The following STK39 variants were observed in gnomAD, a reference collection of about 807,000 sequenced individuals.
The protein encoded by STK39 is STE20/SPS1-related proline-alanine-rich protein kinase.
STK39 carries 20 observed loss-of-function variants against 77.8 expected under a neutral mutation model. The ratio of observed to expected loss-of-function variants is 0.26; its 90% CI spans 0.18 to 0.37. The LOEUF (loss-of-function observed/expected upper bound fraction) is 0.37. Among genes scored for constraint, STK39 ranks in the 10% least tolerant of loss-of-function variants. The pLI is 1.00. For synonymous variants in STK39, 246 were observed against 234.1 expected (o/e 1.05, Z -0.47); for missense variants, 479 against 656.5 (o/e 0.73, Z 2.95).
At chr2:168,179,146 T>C (rs1162531950) in intron 2 of STK39, among the ~76,000 whole-genome samples, 3 of 152,180 alleles carry the variant, frequency 2.0e-5, no homozygotes, top group Non-Finnish European at 4.4e-5. Context: ...AGTTAACACA[T>C]GGCACAGTCT....
chr2:168,223,701 CT>C (rs1242539452), intron 1 of STK39, among the ~76,000 whole-genome samples: 1 of 152,048 alleles, frequency 6.6e-6, no homozygotes, highest in African/African-American at 2.4e-5. Context: ...ATCCAAGTCT[CT>C]GCCTCCTGAT....
At chr2:168,147,486 G>C (rs1259546467) in intron 5 of STK39, among the ~76,000 whole-genome samples, 1 of 152,206 alleles carries the variant, frequency 6.6e-6, no homozygotes, top group Non-Finnish European at 1.5e-5. Context: ...GTTGGGAACA[G>C]ACTAAAGAGA....
intron 10 of STK39, among the ~76,000 whole-genome samples, chr2:168,109,510 T>A (rs1687066198): frequency 6.6e-6 from 1 of 152,222 alleles, no homozygotes; most frequent in African/African-American, 2.4e-5. Flanking sequence ...ACATTGTTGT[T>A]TTGAAAATTA....
chr2:168,218,964 A>G (rs569840186), intron 1 of STK39, among the ~76,000 whole-genome samples: 11 of 152,316 alleles, frequency 7.2e-5, no homozygotes, highest in Admixed American at 7.2e-4. Context: ...ACCAGACGAA[A>G]TAAGCTATAA....
intron 1 of STK39, among the ~76,000 whole-genome samples, chr2:168,228,866 T>C (rs1690374171): frequency 6.6e-6 from 1 of 152,182 alleles, no homozygotes; most frequent in African/African-American, 2.4e-5. Context: ...TCAGTGCTTT[T>C]TCCTTACATG....
At chr2:168,112,539 T>G (rs548509480) in intron 10 of STK39, among the ~76,000 whole-genome samples, 1 of 152,222 alleles carries the variant, frequency 6.6e-6, no homozygotes, top group African/African-American at 2.4e-5. Context: ...CACCATGATT[T>G]TAAGTTTCCT....
At chr2:168,022,712 C>T (rs1438564648) in intron 14 of STK39, among the ~76,000 whole-genome samples, 1 of 151,978 alleles carries the variant, frequency 6.6e-6, no homozygotes, top group South Asian at 2.1e-4. Flanking sequence ...AGTAATAAAC[C>T]GATTTCTGGG....
intron 3 of STK39, among the ~76,000 whole-genome samples, chr2:168,166,449 T>C (rs534906889): frequency 6.6e-6 from 1 of 152,330 alleles, no homozygotes; most frequent in African/African-American, 2.4e-5. Flanking sequence ...GAAGTGACTT[T>C]CCCTTCCCAA....
rs1251133789 is a variant in STK39 at position 168,148,058 on chromosome 2, C to T, written c.629-7300G>A. On this transcript the variant is annotated intron_variant, in intron 5 of 17. Coordinates refer to ENST00000355999, the MANE Select transcript of STK39 (RefSeq NM_013233.3). ...GAATAACAAGAAAGCTCATCCTAGGCCATAATTCAGCATTTATATGGAAGC... is the reference window on the plus strand; with the variant it reads ...GAATAACAAGAAAGCTCATCCTAGGTCATAATTCAGCATTTATATGGAAGC... Among the ~76,000 whole-genome samples, 5 of 152,168 alleles carry T rather than the reference C, an allele frequency of 3.3e-5. No homozygotes were observed. The East Asian group carries it at 9.6e-4, about 29-fold the overall frequency.
intron 2 of STK39, among the ~76,000 whole-genome samples, chr2:168,174,307 C>G (rs1003729502): frequency 6.6e-6 from 1 of 152,134 alleles, no homozygotes; most frequent in African/African-American, 2.4e-5. Flanking sequence ...GGGCAAACGT[C>G]TACTTGCTAA....
chr2:167,955,445 T>A lies in STK39; in HGVS notation c.*51A>T. On this transcript the variant is annotated 3_prime_UTR_variant, in exon 18 of 18. Coordinates refer to ENST00000355999, the MANE Select transcript of STK39 (RefSeq NM_013233.3). Reference sequence around the variant, plus strand: ...CAGAAAGAGGGAGGGTTGAAGGGAGTAGGGGTGGCGGTGGGGCATGACAGA... The same window carrying A: ...CAGAAAGAGGGAGGGTTGAAGGGAGAAGGGGTGGCGGTGGGGCATGACAGA... The A allele has an allele frequency of 1.3e-6, 2 of 1,561,474 alleles. No homozygotes were observed. Among genetic ancestry groups the A allele is most frequent in the South Asian group, 2.3e-5 (2 of 87,778 alleles).
chr2:167,975,713 C>T (rs181695829), intron 16 of STK39, among the ~76,000 whole-genome samples: 3 of 152,282 alleles, frequency 2.0e-5, no homozygotes, highest in Non-Finnish European at 4.4e-5. Context: ...ACTTGGGAGG[C>T]TTAGGCAGGA....
intron 5 of STK39, among the ~76,000 whole-genome samples, chr2:168,146,013 C>T (rs1017158106): frequency 2.6e-5 from 4 of 152,188 alleles, no homozygotes. Flanking sequence ...CTTACTCTTG[C>T]ATGAACAGAA....
At chr2:168,093,356 T>C (rs1025033646) in intron 10 of STK39, among the ~76,000 whole-genome samples, 36 of 152,298 alleles carry the variant, frequency 2.4e-4, no homozygotes, top group Admixed American at 5.9e-4. Flanking sequence ...CTCACAATCA[T>C]GGCAGAAGGC....
chr2:168,076,270 C>T (rs1686075465), intron 10 of STK39, among the ~76,000 whole-genome samples: 3 of 152,086 alleles, frequency 2.0e-5, no homozygotes, highest in Non-Finnish European at 4.4e-5. Context: ...CAAAGCAAGG[C>T]AAGAAACAAA....
At chr2:168,110,381 T>G (rs961934952) in intron 10 of STK39, among the ~76,000 whole-genome samples, 1 of 152,206 alleles carries the variant, frequency 6.6e-6, no homozygotes, top group South Asian at 2.1e-4. Flanking sequence ...CATAAGGATA[T>G]GCCACCATGC....
chr2:168,198,983 T>C (rs1689543663), intron 1 of STK39, among the ~76,000 whole-genome samples: 1 of 152,230 alleles, frequency 6.6e-6, no homozygotes, highest in Non-Finnish European at 1.5e-5. Context: ...TAAAAAAGTT[T>C]CATATGCTTA....
At chr2:168,188,979 C>G (rs1303998679) in intron 1 of STK39, among the ~76,000 whole-genome samples, 2 of 152,290 alleles carry the variant, frequency 1.3e-5, no homozygotes, top group East Asian at 3.9e-4. Flanking sequence ...TCCTAAGTGA[C>G]CTGGCTTGTG....
chr2:168,102,908 C>G (rs997516760), intron 10 of STK39, among the ~76,000 whole-genome samples: 3 of 118,798 alleles, frequency 2.5e-5, no homozygotes, highest in South Asian at 2.8e-4. Flanking sequence ...CCAGCCTGGG[C>G]GACAGAGCGA....
Sources: allele counts gnomAD v4.1 joint callset (sites outside exome capture counted in the v4.1 genomes callset), GRCh38; gene constraint gnomAD v4.1.1; transcripts MANE v1.5; gene names NCBI Gene and HGNC (gene_info 2026-07-23, HGNC 2026-07-21).